Variants in TRAP1 observed in about 807,000 individuals in gnomAD.
TRAP1 encodes heat shock protein 75 kDa, mitochondrial.
Under a neutral mutation model 89.1 loss-of-function variants are expected in TRAP1, and 102 were observed. The observed-to-expected ratio is 1.15, with a 90% CI of 0.98 to 1.35. The LOEUF is 1.35. TRAP1 is among the 40% of genes most tolerant of loss of function. The pLI is 0.00. For synonymous variants in TRAP1, 508 were observed against 388.0 expected (o/e 1.31, Z -3.64); for missense variants, 1,256 against 945.3 (o/e 1.33, Z -4.31).
chr16:3,661,770 T>G (rs1485377686), intron 16 of TRAP1: 18 of 465,096 alleles, frequency 3.9e-5, no homozygotes, highest in Non-Finnish European at 5.0e-5. Flanking sequence ...GGCTGGGATG[T>G]GGCTAACCTC....
chr16:3,710,036 A>G (rs548800287), intron 1 of TRAP1, among the ~76,000 whole-genome samples: 1 of 152,324 alleles, frequency 6.6e-6, no homozygotes, highest in East Asian at 1.9e-4. Flanking sequence ...GGCATTCTCA[A>G]CACTCACTGT....
chr16:3,674,376 G>A lies in TRAP1; in HGVS notation c.1007C>T (p.Pro336Leu), dbSNP rs753972655. 2.2e-5 allele frequency: 35 copies of A among 1,613,984 alleles called. No individual in the cohort carries two copies. In the Middle Eastern group the frequency reaches 4.9e-4, roughly 23 times the overall value. Residue 336 changes from proline to leucine, a missense_variant, in exon 9 of 18, where the codon CCG becomes CTG. Physicochemically the swap from Pro to Leu is moderately conservative, Grantham distance 98 (BLOSUM62 -3). Transcript: ENST00000246957. The part of the protein sequence containing the change: ...RYTLHYKTDA[P>L]LNIRSIFYVP... Reference sequence around the variant, plus strand: ...GTAGAAGATGCTGCGGATGTTGAGCGGTGCGTCCGTCTTATAGTGCAGGGT... The same window carrying A: ...GTAGAAGATGCTGCGGATGTTGAGCAGTGCGTCCGTCTTATAGTGCAGGGT...
intron 1 of TRAP1, among the ~76,000 whole-genome samples, chr16:3,705,676 G>A (rs2051432957): frequency 6.6e-6 from 1 of 151,964 alleles, no homozygotes; most frequent in Admixed American, 6.6e-5. Context: ...ATGGGCAACT[G>A]GGTTGCTTCC....
chr16:3,666,260 G>A, intron 11 of TRAP1, 142 bp from the exon 12 acceptor site: 3 of 1,111,644 alleles, frequency 2.7e-6, no homozygotes, highest in Non-Finnish European at 3.7e-6. Context: ...AACTGAAAAA[G>A]ACTGAGCAGA....
At chr16:3,689,395 C>A (rs1347102154) in intron 2 of TRAP1, among the ~76,000 whole-genome samples, 1 of 152,074 alleles carries the variant, frequency 6.6e-6, no homozygotes, top group Non-Finnish European at 1.5e-5. Context: ...CAGGTGCCTG[C>A]CACCACGCCC....
At chr16:3,660,876 A>G (rs2151236339) in intron 16 of TRAP1, 1 of 152,166 alleles carries the variant, frequency 6.6e-6, no homozygotes, top group Non-Finnish European at 1.5e-5. Flanking sequence ...GTGAGCTGAG[A>G]TTGCCCCACT....
At chr16:3,715,128 G>C (rs773056068) in intron 1 of TRAP1, among the ~76,000 whole-genome samples, 1 of 152,200 alleles carries the variant, frequency 6.6e-6, no homozygotes, top group Non-Finnish European at 1.5e-5. Context: ...CGAGAGGAGA[G>C]AGACAATTTT....
At chr16:3,681,787 A>AT (rs1181171179) in intron 4 of TRAP1, among the ~76,000 whole-genome samples, 2 of 152,090 alleles carry the variant, frequency 1.3e-5, no homozygotes, top group East Asian at 3.9e-4. Context: ...ATTTATTTTT[A>AT]TTTTTTCCCA....
At position 3,666,040 on chromosome 16, in the gene TRAP1, T is replaced by C. The variant is rs1369608912; in HGVS notation, c.1314A>G (p.Ala438=). The C allele has an allele frequency of 6.2e-7, 1 of 1,614,208 alleles. No homozygotes were observed. Among genetic ancestry groups the C allele is most frequent in the East Asian group, 2.2e-5 (1 of 44,890 alleles). The change falls in exon 12 of 18, where the codon GCA becomes GCG. Residue 438 remains alanine, a synonymous_variant. Coordinates refer to ENST00000246957, the MANE Select transcript of TRAP1 (RefSeq NM_016292.3). The part of the protein sequence containing the change: ...DQSKKDAEKY[A]KFFEDYGLFM... ...ACAGGCCGTAATCTTCAAAAAACTT[T>C]GCATACTTCTCAGCATCTTTTTTAC...
chr16:3,706,795 T>C (rs1419776989), intron 1 of TRAP1, among the ~76,000 whole-genome samples: 2 of 152,088 alleles, frequency 1.3e-5, no homozygotes, highest in Non-Finnish European at 2.9e-5. Context: ...TCAGATTGTT[T>C]TCATTTTCGG....
At chr16:3,697,965 T>A (rs1188006264) in intron 1 of TRAP1, among the ~76,000 whole-genome samples, 3 of 147,102 alleles carry the variant, frequency 2.0e-5, no homozygotes, top group East Asian at 4.0e-4. Flanking sequence ...ACTTTTGTGT[T>A]TTTTTGTTTT....
At chr16:3,701,467 C>T (rs551020095) in intron 1 of TRAP1, among the ~76,000 whole-genome samples, 11 of 151,292 alleles carry the variant, frequency 7.3e-5, no homozygotes, top group Non-Finnish European at 1.2e-4. Flanking sequence ...ACAGGAGAAT[C>T]GCTTGAACCC....
intron 16 of TRAP1, 89 bp from the exon 17 acceptor site, chr16:3,658,954 G>C: frequency 7.4e-7 from 1 of 1,346,368 alleles, no homozygotes; most frequent in Non-Finnish European, 1.1e-6. Context: ...GATATTTAAA[G>C]AAGCACAGTA....
rs2050821826 is a variant in TRAP1, at chr16:3,665,965, C to CT, written c.1383+5dup. 1.2e-6 allele frequency: 2 copies of CT among 1,612,300 alleles called. No homozygotes were observed. The highest frequency in any genetic ancestry group is 1.7e-5 in the Admixed American group (1 of 59,654). On this transcript the variant is annotated splice_donor_region_variant and intron_variant, in intron 12 of 17. Coordinates refer to ENST00000246957, the MANE Select transcript of TRAP1 (RefSeq NM_016292.3). Reference sequence around the variant, plus strand: ...CAGAAAAAGGCCTGGAACACAGCTCCTATACCTTGACCTCCTGCTCGGTGG... The same window carrying CT: ...CAGAAAAAGGCCTGGAACACAGCTCCTTATACCTTGACCTCCTGCTCGGTGG...
chr16:3,714,495 T>C (rs2051571788), intron 1 of TRAP1, among the ~76,000 whole-genome samples: 1 of 151,986 alleles, frequency 6.6e-6, no homozygotes, highest in South Asian at 2.1e-4. Context: ...CCCATCTCTA[T>C]TAAAAATACA....
At chr16:3,683,161 C>T (rs992303881) in intron 4 of TRAP1, among the ~76,000 whole-genome samples, 13 of 151,122 alleles carry the variant, frequency 8.6e-5, no homozygotes, top group Admixed American at 6.6e-4. Context: ...AAGAGCAAAA[C>T]CCCATTTCAA....
intron 16 of TRAP1, chr16:3,660,654 TC>T: frequency 6.6e-6 from 1 of 152,332 alleles, no homozygotes. Flanking sequence ...AGTCAGCCTT[TC>T]CCCAGGAGTG....
chr16:3,715,424 C>A (rs911400188), intron 1 of TRAP1, among the ~76,000 whole-genome samples: 1 of 151,396 alleles, frequency 6.6e-6, no homozygotes, highest in Non-Finnish European at 1.5e-5. Flanking sequence ...GGTGACAGAG[C>A]AAGACTCCAT....
chr16:3,708,720 G>A (rs1271614309), intron 1 of TRAP1, among the ~76,000 whole-genome samples: 2 of 152,024 alleles, frequency 1.3e-5, no homozygotes, highest in African/African-American at 2.4e-5. Context: ...TGAGGCTGAG[G>A]CGAGAGGACT....
Sources: gnomAD v4.1 joint callset for allele counts (sites outside exome capture counted in the v4.1 genomes callset) on GRCh38, gnomAD v4.1.1 for gene constraint, MANE v1.5 for transcripts, NCBI Gene and HGNC (gene_info 2026-07-23, HGNC 2026-07-21) for gene names.